Variants in CFTR observed in about 807,000 individuals in gnomAD.
CFTR encodes cystic fibrosis transmembrane conductance regulator.
A neutral mutation model predicts 171.6 loss-of-function variants in CFTR; 181 were observed. That is an observed-to-expected ratio of 1.05 (90% confidence interval 0.93 to 1.19). CFTR has a LOEUF of 1.19. Among genes scored for constraint, CFTR ranks in the 50% most tolerant of loss-of-function variants. The pLI is 0.00. For synonymous variants in CFTR, 583 were observed against 608.0 expected (o/e 0.96, Z 0.60); for missense variants, 1,968 against 1,734.7 (o/e 1.13, Z -2.39).
chr7:117,582,154 AAT>A (rs1424029078), intron 11 of CFTR, among the ~76,000 whole-genome samples: 1 of 152,148 alleles, frequency 6.6e-6, no homozygotes, highest in Non-Finnish European at 1.5e-5. Flanking sequence ...CCACTTTCTT[AAT>A]TTTCATAGTT....
chr7:117,570,012 A>G (rs960134562), intron 11 of CFTR, among the ~76,000 whole-genome samples: 2 of 152,028 alleles, frequency 1.3e-5, no homozygotes, highest in Non-Finnish European at 2.9e-5. Context: ...TTAGGGTGAT[A>G]TATAGAGTGC....
At chr7:117,624,886 C>G (rs1584829047) in intron 21 of CFTR, among the ~76,000 whole-genome samples, 1 of 152,092 alleles carries the variant, frequency 6.6e-6, no homozygotes, top group African/African-American at 2.4e-5. Flanking sequence ...GTTTTTGAAA[C>G]TTAAATGATC....
chr7:117,587,972 G>A, intron 12 of CFTR, 139 bp downstream of exon 12: 1 of 664,400 alleles, frequency 1.5e-6, no homozygotes, highest in Middle Eastern at 3.9e-4. Flanking sequence ...AGTGGGTTAA[G>A]AATCACATTT....
At position 117,611,860 on chromosome 7, in the gene CFTR, T is replaced by G. The variant is rs780816166; in HGVS notation, c.3367+52T>G. The G allele has an allele frequency of 1.4e-5, 18 of 1,247,814 alleles. No individual in the cohort carries two copies. In the African/African-American group the frequency reaches 2.7e-4, roughly 19 times the overall value. The allele number at this position is 1,247,814 out of a possible 1,614,324, so 77.3% of individuals were successfully genotyped here. ...AAGCATTTAAGTAAAAAATTTTCAA[T>G]GAATAAAATGCTGCATTCTATAGGT... On this transcript the variant is annotated intron_variant, in intron 20 of 26. Transcript: ENST00000003084.
At chr7:117,564,765 C>T (rs557545445) in intron 11 of CFTR, 1 of 166,992 alleles carries the variant, frequency 6.0e-6, no homozygotes, top group African/African-American at 2.4e-5. Flanking sequence ...TGTAATGATG[C>T]TCAGTGTCAT....
intron 11 of CFTR, among the ~76,000 whole-genome samples, chr7:117,575,683 T>C (rs999699397): frequency 6.0e-4 from 92 of 152,092 alleles, no homozygotes; most frequent in Non-Finnish European, 1.3e-4. Context: ...TCTAACATCT[T>C]CCATCCAGCC....
chr7:117,510,549 A>G (rs1323107914), intron 3 of CFTR, among the ~76,000 whole-genome samples: 2 of 152,198 alleles, frequency 1.3e-5, no homozygotes, highest in African/African-American at 4.8e-5. Flanking sequence ...TCTCCATTGC[A>G]TGCTGCTTCT....
At chr7:117,635,181 C>T (rs1012031906) in intron 22 of CFTR, among the ~76,000 whole-genome samples, 1 of 152,086 alleles carries the variant, frequency 6.6e-6, no homozygotes, top group African/African-American at 2.4e-5. Flanking sequence ...TGGAGCATGA[C>T]CCATTTATCC....
rs760445168 is a variant in CFTR, at chr7:117,668,297, A to G, written c.*1189A>G. On this transcript the variant is annotated 3_prime_UTR_variant, in exon 27 of 27. Coordinates refer to ENST00000003084, the MANE Select transcript of CFTR (RefSeq NM_000492.4). ...CTGTATTTTAAAAGAATGATTATGA[A>G]TTACATTTGTATAAAATAATTTTTA... 1.3e-5 allele frequency: 2 copies of G among 152,226 alleles called. No homozygotes were observed. The highest frequency in any genetic ancestry group is 3.8e-4 in the East Asian group (2 of 5,200). 9.4% of individuals were successfully genotyped at this position (152,226 alleles called of 1,614,324 possible). A position where few individuals can be genotyped will look rare whatever the true frequency, so the allele number is the denominator to read the frequency against.
chr7:117,564,103 G>A (rs905512458), intron 11 of CFTR, among the ~76,000 whole-genome samples: 9 of 152,080 alleles, frequency 5.9e-5, no homozygotes, highest in African/African-American at 2.2e-4. Context: ...CTTTATTTTG[G>A]TATACTCCAC....
intron 15 of CFTR, among the ~76,000 whole-genome samples, chr7:117,599,717 G>A (rs941606078): frequency 2.6e-5 from 4 of 152,030 alleles, no homozygotes; most frequent in Non-Finnish European, 4.4e-5. Context: ...AAAAGTATGT[G>A]CACAATTATA....
chr7:117,608,107 G>A (rs1391484296), intron 18 of CFTR, among the ~76,000 whole-genome samples: 1 of 152,066 alleles, frequency 6.6e-6, no homozygotes, highest in Non-Finnish European at 1.5e-5. Flanking sequence ...TCCTCTGGAA[G>A]GGTTAATTTT....
At chr7:117,653,222 C>A (rs1793114390) in intron 24 of CFTR, among the ~76,000 whole-genome samples, 1 of 152,174 alleles carries the variant, frequency 6.6e-6, no homozygotes. Context: ...ATGGAGTACC[C>A]TAAAATACCT....
rs1359327577 is a variant in CFTR at position 117,548,782 on chromosome 7, G to A, written c.1351G>A (p.Gly451Arg). ...AGATATTAATTTCAAGATAGAAAGA[G>A]GACAGTTGTTGGCGGTTGCTGGATC... ...LKDINFKIER[G>R]QLLAVAGSTG... Residue 451 changes from glycine to arginine, a missense_variant, in exon 10 of 27, where the codon GGA (glycine) becomes AGA (arginine). Gly to Arg is a moderately radical substitution (Grantham distance 125). Transcript: ENST00000003084. 5 of 1,612,262 alleles carry A rather than the reference G, an allele frequency of 3.1e-6. No individual in the cohort carries two copies. In the East Asian group the frequency reaches 6.7e-5, roughly 22 times the overall value.
intron 16 of CFTR, 120 bp downstream of exon 16, chr7:117,602,983 T>A: frequency 1.0e-6 from 1 of 990,724 alleles, no homozygotes; most frequent in Non-Finnish European, 1.6e-6. Flanking sequence ...AGCATTATGG[T>A]AGTGGAAAGA....
chr7:117,553,046 C>T (rs1799297902), intron 10 of CFTR, among the ~76,000 whole-genome samples: 1 of 152,132 alleles, frequency 6.6e-6, no homozygotes, highest in Non-Finnish European at 1.5e-5. Flanking sequence ...CCCTTTCTGC[C>T]ATGTGAGAAC....
chr7:117,500,490 A>G (rs1229369784), intron 1 of CFTR, among the ~76,000 whole-genome samples: 1 of 151,642 alleles, frequency 6.6e-6, no homozygotes, highest in Non-Finnish European at 1.5e-5. Context: ...GGGTTTCTCC[A>G]TGTTGGTCAG....
chr7:117,550,389 C>T (rs1799248611), intron 10 of CFTR, among the ~76,000 whole-genome samples: 2 of 151,856 alleles, frequency 1.3e-5, no homozygotes, highest in South Asian at 4.1e-4. Flanking sequence ...TTTCTCTCTC[C>T]AGTTGTTTTC....
In CFTR at chr7:117,480,089, G is replaced by A; in HGVS notation, c.-6G>A. On this transcript the variant is annotated 5_prime_UTR_variant, in exon 1 of 27. Transcript: ENST00000003084. ...CCCTAGCAGGGACCCCAGCGCCCGA[G>A]AGACCATGCAGAGGTCGCCTCTGGA... The A allele has an allele frequency of 6.2e-7, 1 of 1,613,950 alleles. No homozygotes were observed. The highest frequency in any genetic ancestry group is 8.5e-7 in the Non-Finnish European group (1 of 1,179,950).
Sources: gnomAD v4.1 joint callset for allele counts (sites outside exome capture counted in the v4.1 genomes callset) on GRCh38, gnomAD v4.1.1 for gene constraint, MANE v1.5 for transcripts, NCBI Gene and HGNC (gene_info 2026-07-23, HGNC 2026-07-21) for gene names.